The following FNBP1L variants were observed in gnomAD, a reference collection of about 807,000 sequenced individuals.
FNBP1L encodes formin binding protein 1 like.
A neutral mutation model predicts 91.2 loss-of-function variants in FNBP1L; 36 were observed. The observed-to-expected ratio is 0.39, with a 90% CI of 0.30 to 0.52. The LOEUF (loss-of-function observed/expected upper bound fraction) is 0.52, where lower values mean the gene tolerates loss of function less well. FNBP1L is among the 20% of genes least tolerant of loss of function. FNBP1L has a pLI of 0.66. For synonymous variants in FNBP1L, 242 were observed against 237.0 expected (o/e 1.02, Z -0.19); for missense variants, 571 against 732.1 (o/e 0.78, Z 2.54).
intron 1 of FNBP1L, among the ~76,000 whole-genome samples, chr1:93,478,391 AC>A (rs1669570903): frequency 6.6e-6 from 1 of 152,138 alleles, no homozygotes; most frequent in Non-Finnish European, 1.5e-5. Flanking sequence ...AAGGAGGATG[AC>A]CATTTGGGAG....
chr1:93,544,568 T>G (rs1672152926), intron 12 of FNBP1L, among the ~76,000 whole-genome samples: 1 of 152,202 alleles, frequency 6.6e-6, no homozygotes, highest in Non-Finnish European at 1.5e-5. Flanking sequence ...GAGGCTATTT[T>G]GTAGCAAAAC....
intron 1 of FNBP1L, among the ~76,000 whole-genome samples, chr1:93,459,940 G>GAT (rs1384460501): frequency 1.8e-5 from 1 of 54,830 alleles, no homozygotes; most frequent in African/African-American, 5.2e-5. Flanking sequence ...TTGGATTTCA[G>GAT]ATGTGTGTGT....
intron 2 of FNBP1L, among the ~76,000 whole-genome samples, chr1:93,499,985 T>A (rs1445412326): frequency 2.0e-5 from 3 of 152,228 alleles, no homozygotes; most frequent in African/African-American, 7.2e-5. Flanking sequence ...ATAGAGTGTG[T>A]GCTGAGCTGA....
intron 2 of FNBP1L, among the ~76,000 whole-genome samples, chr1:93,511,952 C>T (rs1357706598): frequency 1.5e-4 from 15 of 99,170 alleles, no homozygotes; most frequent in African/African-American, 3.1e-4. Flanking sequence ...GGCGACAGAG[C>T]GAGACTCCGT....
chr1:93,466,729 T>G (rs565820735), intron 1 of FNBP1L, among the ~76,000 whole-genome samples: 16 of 152,328 alleles, frequency 1.1e-4, no homozygotes, highest in African/African-American at 3.1e-4. Flanking sequence ...GTTTTTCCAA[T>G]TCTGTGAAGA....
At position 93,551,060 on chromosome 1, in the gene FNBP1L, G is replaced by A. The variant is rs750661119; in HGVS notation, c.1765G>A (p.Val589Ile). The change falls in exon 16 of 17, where the codon GTT becomes ATT. Residue 589 changes from valine (V) to isoleucine (I), a missense_variant. Around this residue, in one of 5 missense-constraint regions of FNBP1L, gnomAD observed 189 missense variants for 219.7 expected, o/e 0.86. Coordinates refer to ENST00000271234, the MANE Select transcript of FNBP1L (RefSeq NM_001164473.3). ...GAGACAGAACGGTGAAGAAGGCTAC[G>A]TTCCCACGTCATACATAGATGTAAC... Reference protein sequence around the residue: ...ARRQNGEEGYVPTSYIDVTLE... With the variant: ...ARRQNGEEGYIPTSYIDVTLE... The A allele has an allele frequency of 6.2e-6, 10 of 1,612,554 alleles. No individual in the cohort carries two copies. Among genetic ancestry groups the A allele is most frequent in the African/African-American group, 1.3e-5 (1 of 74,862 alleles).
chr1:93,538,850 TTTTTTC>T (rs1320031687), intron 10 of FNBP1L, among the ~76,000 whole-genome samples: 2 of 152,064 alleles, frequency 1.3e-5, no homozygotes, highest in African/African-American at 2.4e-5. Context: ...AAAATTATGA[TTTTTTC>T]TTTTTCTTTT....
intron 1 of FNBP1L, among the ~76,000 whole-genome samples, chr1:93,451,774 C>A (rs1016102181): frequency 1.1e-4 from 16 of 152,050 alleles, no homozygotes; most frequent in African/African-American, 3.9e-4. Context: ...ACCTCAGCCC[C>A]CCGAGTAGCT....
intron 7 of FNBP1L, among the ~76,000 whole-genome samples, chr1:93,532,055 G>A (rs572034698): frequency 4.8e-4 from 73 of 151,974 alleles, no homozygotes; most frequent in Non-Finnish European, 8.2e-4. Context: ...TTTTCCTCAC[G>A]TATCCCCAGC....
chr1:93,453,551 T>C (rs72961357), intron 1 of FNBP1L, among the ~76,000 whole-genome samples: 3,749 of 152,246 alleles, frequency 0.025, 128 homozygotes, highest in African/African-American at 0.083. Flanking sequence ...GTAAGAGAAA[T>C]AGTAATGGCT....
At chr1:93,503,294 C>T (rs1252576131) in intron 2 of FNBP1L, among the ~76,000 whole-genome samples, 1 of 152,118 alleles carries the variant, frequency 6.6e-6, no homozygotes, top group African/African-American at 2.4e-5. Flanking sequence ...AACTAACTCA[C>T]TGTTGTGAGA....
At chr1:93,549,169 T>C (rs1557823471) in intron 14 of FNBP1L, 109 bp from the exon 15 acceptor site, 1 of 775,302 alleles carries the variant, frequency 1.3e-6, no homozygotes, top group Non-Finnish European at 1.9e-6. Flanking sequence ...GGAAACTGTG[T>C]CATTAATATT....
chr1:93,529,877 T>G, intron 6 of FNBP1L, 121 bp downstream of exon 6: 1 of 607,304 alleles, frequency 1.6e-6, no homozygotes, highest in Non-Finnish European at 2.8e-6. Flanking sequence ...TATCTAAGTC[T>G]AAAATATACA....
intron 16 of FNBP1L, chr1:93,551,911 A>C: frequency 1.0e-6 from 1 of 985,740 alleles, no homozygotes; most frequent in Non-Finnish European, 1.2e-6. Context: ...ATTATTTAGC[A>C]TTTAGCAGTT....
At chr1:93,512,606 G>A (rs1290528428) in intron 2 of FNBP1L, among the ~76,000 whole-genome samples, 1 of 150,722 alleles carries the variant, frequency 6.6e-6, no homozygotes, top group Non-Finnish European at 1.5e-5. Flanking sequence ...CTAGAACTCA[G>A]GATTAAGAAT....
intron 14 of FNBP1L, 48 bp downstream of exon 14, chr1:93,547,489 A>G: frequency 6.8e-7 from 1 of 1,468,012 alleles, no homozygotes. Context: ...GAGTTTTCTC[A>G]CCCTTTTGTC....
At chr1:93,524,453 ATTG>A in intron 5 of FNBP1L, 130 bp downstream of exon 5, 2 of 616,052 alleles carry the variant, frequency 3.2e-6, no homozygotes, top group Non-Finnish European at 5.0e-6. Context: ...CATTGGTATT[ATTG>A]TATAATAGTC....
intron 2 of FNBP1L, among the ~76,000 whole-genome samples, chr1:93,520,723 G>A (rs772751248): frequency 2.6e-5 from 4 of 152,052 alleles, no homozygotes; most frequent in Non-Finnish European, 5.9e-5. Context: ...GAGAAGTTAG[G>A]CAAATTGTCC....
chr1:93,537,082 A>C (rs1345125632), intron 10 of FNBP1L, among the ~76,000 whole-genome samples: 3 of 152,090 alleles, frequency 2.0e-5, no homozygotes, highest in African/African-American at 7.2e-5. Flanking sequence ...AATGTTTACT[A>C]AACTGTTGTT....
Sources: gnomAD v4.1 joint callset for allele counts (sites outside exome capture counted in the v4.1 genomes callset) on GRCh38, gnomAD v4.1.1 for gene constraint, gnomAD v4.1.1 regional missense constraint, MANE v1.5 for transcripts, NCBI Gene and HGNC (gene_info 2026-07-23, HGNC 2026-07-21) for gene names.